The following LIN54 variants were observed in gnomAD, a reference collection of about 807,000 sequenced individuals.
The protein encoded by LIN54 is lin-54 DREAM MuvB core complex component, also known as protein lin-54 homolog.
In LIN54, 9 loss-of-function variants were observed where a neutral mutation model predicts 78.7. The ratio of observed to expected loss-of-function variants is 0.11; its 90% CI spans 0.07 to 0.20. The LOEUF is 0.20. LIN54 is among the 10% of genes least tolerant of loss of function. The pLI, the probability that LIN54 is intolerant of heterozygous loss-of-function variation, is 1.00. For missense variants in LIN54, 573 were observed against 889.9 expected (o/e 0.64, Z 4.53); for synonymous variants, 269 against 318.4 (o/e 0.84, Z 1.65).
chr4:82,985,685 C>T (rs1212205588), intron 1 of LIN54, among the ~76,000 whole-genome samples: 1 of 152,272 alleles, frequency 6.6e-6, no homozygotes, highest in African/African-American at 2.4e-5. Flanking sequence ...GAATTACAGG[C>T]GCCTGCCACC....
At chr4:82,955,146 C>T (rs1228570332) in intron 4 of LIN54, among the ~76,000 whole-genome samples, 1 of 152,042 alleles carries the variant, frequency 6.6e-6, no homozygotes, top group Non-Finnish European at 1.5e-5. Context: ...CCGAAGGAGG[C>T]GGATCACTTG....
At chr4:83,002,067 A>G (rs1336638439) in intron 1 of LIN54, among the ~76,000 whole-genome samples, 1 of 151,030 alleles carries the variant, frequency 6.6e-6, no homozygotes, top group Admixed American at 6.6e-5. Context: ...GTGCTTCCGA[A>G]CTAGTGCCAG....
intron 4 of LIN54, among the ~76,000 whole-genome samples, chr4:82,948,005 A>G (rs2126046878): frequency 6.6e-6 from 1 of 152,330 alleles, no homozygotes; most frequent in African/African-American, 2.4e-5. Context: ...TAATTCACAT[A>G]TTATCATAAG....
intron 5 of LIN54, among the ~76,000 whole-genome samples, chr4:82,940,997 A>G (rs1409439841): frequency 2.0e-5 from 3 of 152,202 alleles, no homozygotes; most frequent in Non-Finnish European, 2.9e-5. Context: ...CTGCTACTAT[A>G]TAAATGGCAT....
chr4:82,960,521 C>A (rs1400264398), intron 4 of LIN54, among the ~76,000 whole-genome samples: 1 of 151,508 alleles, frequency 6.6e-6, no homozygotes, highest in African/African-American at 2.4e-5. Flanking sequence ...GCAGCCTCAA[C>A]CTCCTGGGCT....
chr4:82,989,599 A>AT (rs1423775245), intron 1 of LIN54, among the ~76,000 whole-genome samples: 2 of 152,166 alleles, frequency 1.3e-5, no homozygotes, highest in African/African-American at 4.8e-5. Flanking sequence ...TTCTTCCAGC[A>AT]TATTTAGACA....
intron 4 of LIN54, among the ~76,000 whole-genome samples, chr4:82,956,087 A>T (rs1288938177): frequency 6.6e-6 from 1 of 151,974 alleles, no homozygotes; most frequent in African/African-American, 2.4e-5. Context: ...TTGCCTCCCA[A>T]GTAGCACCTG....
intron 5 of LIN54, among the ~76,000 whole-genome samples, chr4:82,942,987 G>A (rs1421401763): frequency 6.6e-6 from 1 of 151,748 alleles, no homozygotes; most frequent in African/African-American, 2.4e-5. Context: ...GAAGCCTGGG[G>A]AATGAAGAAA....
chr4:82,937,370 T>A, intron 8 of LIN54, 72 bp from the exon 9 acceptor site: 2 of 953,936 alleles, frequency 2.1e-6, no homozygotes, highest in Non-Finnish European at 3.1e-6. Flanking sequence ...TTGCTACAAC[T>A]AATTTAAAAT....
At position 82,926,700 on chromosome 4, in the gene LIN54, AACAG is replaced by A. The variant is rs1179322238; in HGVS notation, c.*1398_*1401del. On this transcript the variant is annotated 3_prime_UTR_variant, in exon 13 of 13. Coordinates refer to ENST00000340417, the MANE Select transcript of LIN54 (RefSeq NM_194282.4). ...TAGGTTATTTTAGTAATTATAGGAA[AACAG>A]ACCTTCCAAATCACTGGCTGAAAAT... 6.6e-6 allele frequency: 1 copy of A among 152,216 alleles called. No homozygotes were observed. The highest frequency in any genetic ancestry group is 1.5e-5 in the Non-Finnish European group (1 of 68,040). The allele number at this position is 152,216 out of a possible 1,614,324, so 9.4% of individuals were successfully genotyped here. A position where few individuals can be genotyped will look rare whatever the true frequency, so the allele number is the denominator to read the frequency against.
rs562583100 is a variant in LIN54 at position 82,984,083 on chromosome 4, C to T, written c.684+78G>A. The stretch of plus-strand genomic sequence containing the variant: ...TCAGTAACAACTATGTATTTAGTAA[C>T]CCTATAAACACAACTATGAATCAGT... On this transcript the variant is annotated intron_variant, in intron 2 of 12. Coordinates refer to ENST00000340417, the MANE Select transcript of LIN54 (RefSeq NM_194282.4). 6.5e-6 allele frequency: 6 copies of T among 929,466 alleles called. No homozygotes were observed. The South Asian group carries it at 8.2e-5, about 13-fold the overall frequency. 57.6% of individuals were successfully genotyped at this position (929,466 alleles called of 1,614,324 possible). A position where few individuals can be genotyped will look rare whatever the true frequency, so the allele number is the denominator to read the frequency against.
chr4:82,995,822 C>T (rs1469995687), intron 1 of LIN54, among the ~76,000 whole-genome samples: 1 of 151,524 alleles, frequency 6.6e-6, no homozygotes, highest in African/African-American at 2.4e-5. Context: ...CAATCAGGGT[C>T]ACATGCAGGG....
rs182030471 is a variant in LIN54, at chr4:83,004,330, C to T, written c.-33+6154G>A. ...AGGAAAATCGCTTGAACCTGGGAGG[C>T]GGAGGTTGCAGTGAGCCAAGATCGC... On this transcript the variant is annotated intron_variant, in intron 1 of 12. Transcript: ENST00000340417. Among the ~76,000 whole-genome samples the T allele has an allele frequency of 3.6e-3, 485 of 134,866 alleles. 11 individuals are homozygous for T. Among genetic ancestry groups the T allele is most frequent in the Admixed American group, 0.02 (252 of 12,364 alleles). 88.5% of individuals were successfully genotyped at this position (134,866 alleles called of 152,430 possible). A position where few individuals can be genotyped will look rare whatever the true frequency, so the allele number is the denominator to read the frequency against.
chr4:83,005,130 A>C (rs1729234433), intron 1 of LIN54, among the ~76,000 whole-genome samples: 1 of 152,148 alleles, frequency 6.6e-6, no homozygotes, highest in African/African-American at 2.4e-5. Context: ...TCCTGACCTC[A>C]GGTGATCCAC....
At chr4:82,973,894 C>T (rs1359307242) in intron 3 of LIN54, among the ~76,000 whole-genome samples, 1 of 152,154 alleles carries the variant, frequency 6.6e-6, no homozygotes, top group East Asian at 1.9e-4. Context: ...CAACAATATG[C>T]ATTCACAGAA....
chr4:82,996,338 C>T (rs183767990), intron 1 of LIN54, among the ~76,000 whole-genome samples: 9 of 152,160 alleles, frequency 5.9e-5, no homozygotes, highest in East Asian at 1.9e-4. Flanking sequence ...CTGTAGAAGG[C>T]GTTACCTGTG....
intron 11 of LIN54, among the ~76,000 whole-genome samples, chr4:82,933,598 C>T (rs940144351): frequency 1.3e-5 from 2 of 152,198 alleles, no homozygotes; most frequent in South Asian, 4.1e-4. Flanking sequence ...GATAAGCCCA[C>T]AGCTAATTTA....
intron 4 of LIN54, among the ~76,000 whole-genome samples, chr4:82,954,070 CATAAA>C (rs1024731495): frequency 4.6e-5 from 7 of 151,932 alleles, no homozygotes; most frequent in African/African-American, 1.7e-4. Context: ...AAAAAAATAA[CATAAA>C]ATTAAATGAT....
At chr4:82,932,391 T>A (rs797021373) in intron 11 of LIN54, among the ~76,000 whole-genome samples, 1 of 150,796 alleles carries the variant, frequency 6.6e-6, no homozygotes, top group African/African-American at 2.4e-5. Flanking sequence ...CCACCGCGCC[T>A]GGCCTGTGTA....
Sources: allele counts gnomAD v4.1 joint callset (sites outside exome capture counted in the v4.1 genomes callset), GRCh38; gene constraint gnomAD v4.1.1; transcripts MANE v1.5; gene names NCBI Gene and HGNC (gene_info 2026-07-23, HGNC 2026-07-21).